Variants in APP observed in about 807,000 individuals in gnomAD.
The protein encoded by APP is amyloid-beta precursor protein.
APP carries 31 observed loss-of-function variants against 101.4 expected under a neutral mutation model. The observed-to-expected ratio is 0.31, with a 90% CI of 0.23 to 0.41. The LOEUF (loss-of-function observed/expected upper bound fraction) is 0.41, where lower values mean the gene tolerates loss of function less well. Ranked by LOEUF, APP falls within the 10% of genes least tolerant of loss-of-function variation. The probability of loss-of-function intolerance (pLI) is 1.00; values close to 1 mark genes in which losing one functional copy is unlikely to be tolerated. For synonymous variants in APP, 366 were observed against 364.4 expected, an observed-to-expected ratio of 1.00 and a Z score of -0.05; for missense variants, 839 against 1,003.7, an observed-to-expected ratio of 0.84 and a Z score of 2.22.
At chr21:26,083,878 A>C (rs1482979682) in intron 3 of APP, among the ~76,000 whole-genome samples, 1 of 152,178 alleles carries the variant, frequency 6.6e-6, no homozygotes, top group Non-Finnish European at 1.5e-5. Context: ...ACTCCAGTAA[A>C]GAAGACAAAA....
intron 6 of APP, among the ~76,000 whole-genome samples, chr21:26,017,572 C>G (rs757514954): frequency 6.6e-6 from 1 of 151,948 alleles, no homozygotes; most frequent in Non-Finnish European, 1.5e-5. Flanking sequence ...AAGAGCCTAG[C>G]CATCAGCAGG....
chr21:26,130,519 T>C (rs761843403), intron 1 of APP, among the ~76,000 whole-genome samples: 6 of 152,228 alleles, frequency 3.9e-5, no homozygotes, highest in Non-Finnish European at 5.9e-5. Context: ...AACTCACAAC[T>C]AATGTCTTTG....
At chr21:26,025,749 A>G (rs1169422537) in intron 5 of APP, among the ~76,000 whole-genome samples, 1 of 152,240 alleles carries the variant, frequency 6.6e-6, no homozygotes, top group African/African-American at 2.4e-5. Flanking sequence ...GGAGACACGT[A>G]ATAAATAGTT....
At chr21:25,996,924 C>A (rs538231390) in intron 8 of APP, among the ~76,000 whole-genome samples, 14 of 152,282 alleles carry the variant, frequency 9.2e-5, no homozygotes, top group African/African-American at 3.4e-4. Context: ...GAGCCTGGAC[C>A]ATTTCCCCAT....
intron 3 of APP, among the ~76,000 whole-genome samples, chr21:26,054,522 G>A (rs1009523503): frequency 6.6e-6 from 1 of 151,748 alleles, no homozygotes; most frequent in African/African-American, 2.4e-5. Flanking sequence ...GGCAAAGGGA[G>A]TCCAGAAGGA....
chr21:26,005,665 A>G (rs1451126070), intron 6 of APP, among the ~76,000 whole-genome samples: 3 of 152,232 alleles, frequency 2.0e-5, no homozygotes, highest in Non-Finnish European at 4.4e-5. Flanking sequence ...ATCTAGTTTC[A>G]TGGAAGATAA....
chr21:26,166,788 C>T (rs2063620527), intron 1 of APP, among the ~76,000 whole-genome samples: 2 of 152,072 alleles, frequency 1.3e-5, no homozygotes, highest in African/African-American at 4.8e-5. Context: ...TGCATTCAGC[C>T]CCTTACCTTT....
chr21:25,961,092 T>C (rs2041560587), intron 11 of APP, among the ~76,000 whole-genome samples: 1 of 152,174 alleles, frequency 6.6e-6, no homozygotes, highest in Non-Finnish European at 1.5e-5. Context: ...TGGGAACTGC[T>C]TAGAGCCAAT....
rs8126691 is a variant in APP, at chr21:25,959,399, C to T, written c.1459-3644G>A. Among the ~76,000 whole-genome samples, 642 of 152,314 alleles carry T rather than the reference C, an allele frequency of 4.2e-3. 8 individuals are homozygous for T. Among genetic ancestry groups the T allele is most frequent in the African/African-American group, 0.014 (597 of 41,570 alleles). On this transcript the variant is annotated intron_variant, in intron 11 of 17. Transcript: ENST00000346798. Reference sequence around the variant, plus strand: ...AGTGACCTGAGATTCCACCACTGCACTACAGCCTGGGCGACAGGACGAGAC... The same window carrying T: ...AGTGACCTGAGATTCCACCACTGCATTACAGCCTGGGCGACAGGACGAGAC...
intron 3 of APP, among the ~76,000 whole-genome samples, chr21:26,069,144 G>A (rs567015412): frequency 7.2e-5 from 11 of 152,206 alleles, no homozygotes; most frequent in East Asian, 3.9e-4. Flanking sequence ...TATAGGCCCC[G>A]TTGATCGATT....
intron 1 of APP, among the ~76,000 whole-genome samples, chr21:26,148,598 A>G (rs1264366791): frequency 6.6e-6 from 1 of 152,246 alleles, no homozygotes; most frequent in African/African-American, 2.4e-5. Context: ...ATGCTAAAGC[A>G]GTGAAATGTG....
Position 26,094,031 on chromosome 21 carries a change from G to A in APP, c.226-3959C>T, listed in dbSNP as rs555552983. Among the ~76,000 whole-genome samples the A allele has an allele frequency of 1.3e-4, 20 of 151,346 alleles. No homozygotes were observed. The South Asian group carries it at 2.3e-3, about 17-fold the overall frequency. ...CTCCGGAGGCTGAGGCAGGAGAATC[G>A]CAGGAACCCAGGAAGCGGATGTTGC... On this transcript the variant is annotated intron_variant, in intron 2 of 17. Transcript: ENST00000346798.
intron 13 of APP, among the ~76,000 whole-genome samples, chr21:25,944,164 T>C (rs1430277247): frequency 6.6e-6 from 1 of 152,176 alleles, no homozygotes; most frequent in East Asian, 1.9e-4. Flanking sequence ...ATAATAATTA[T>C]CAAAAGACAA....
At position 25,891,882 on chromosome 21, in the gene APP, TAAGAAA is replaced by T; in HGVS notation, c.2065-20_2065-15del. The T allele has an allele frequency of 6.2e-7, 1 of 1,611,128 alleles. No individual in the cohort carries two copies. The highest frequency in any genetic ancestry group is 8.5e-7 in the Non-Finnish European group (1 of 1,178,026). On this transcript the variant is annotated splice_polypyrimidine_tract_variant and intron_variant, in intron 16 of 17. Transcript: ENST00000346798. The stretch of plus-strand genomic sequence containing the variant: ...TGCAAAGAACACCTTGAAAACAAAT[TAAGAAA>T]AAGAATTTTAATTTCTAAATGCAAT...
At chr21:26,119,612 T>C (rs570786338) in intron 1 of APP, among the ~76,000 whole-genome samples, 37 of 152,356 alleles carry the variant, frequency 2.4e-4, no homozygotes, top group African/African-American at 8.7e-4. Context: ...TATACCTACC[T>C]ATGTACATAT....
chr21:25,898,881 C>T (rs751122719), intron 15 of APP, among the ~76,000 whole-genome samples: 5 of 152,274 alleles, frequency 3.3e-5, no homozygotes, highest in African/African-American at 4.8e-5. Context: ...ATCTTGTCTA[C>T]GAGATTCTGG....
intron 9 of APP, among the ~76,000 whole-genome samples, chr21:25,980,537 CG>C (rs2042389006): frequency 6.6e-6 from 1 of 152,120 alleles, no homozygotes; most frequent in Admixed American, 6.6e-5. Flanking sequence ...AGGTTTTCAT[CG>C]TGGGCAGCCA....
intron 1 of APP, among the ~76,000 whole-genome samples, chr21:26,112,412 T>G (rs938242996): frequency 6.6e-6 from 1 of 152,178 alleles, no homozygotes. Flanking sequence ...AATTTACACG[T>G]TTTCCCATAT....
At chr21:26,135,041 T>C (rs186575861) in intron 1 of APP, among the ~76,000 whole-genome samples, 1 of 152,224 alleles carries the variant, frequency 6.6e-6, no homozygotes, top group African/African-American at 2.4e-5. Flanking sequence ...CAAATCTCTA[T>C]ATCTATACAA....
Sources: allele counts gnomAD v4.1 joint callset (sites outside exome capture counted in the v4.1 genomes callset), GRCh38; gene constraint gnomAD v4.1.1; transcripts MANE v1.5; gene names NCBI Gene and HGNC (gene_info 2026-07-23, HGNC 2026-07-21).